The following ATXN1 variants were observed in gnomAD, a reference collection of about 807,000 sequenced individuals.
ATXN1 encodes ataxin 1.
ATXN1 carries 8 observed loss-of-function variants against 56.4 expected under a neutral mutation model. The observed-to-expected ratio is 0.14, with a 90% CI of 0.08 to 0.26. ATXN1 has a LOEUF of 0.26. ATXN1 is among the 10% of genes least tolerant of loss of function. The probability of loss-of-function intolerance (pLI) is 1.00; values close to 1 mark genes in which losing one functional copy is unlikely to be tolerated. For missense variants in ATXN1, 987 were observed against 1,106.5 expected, an observed-to-expected ratio of 0.89 and a Z score of 1.53; for synonymous variants, 514 against 494.6, an observed-to-expected ratio of 1.04 and a Z score of -0.52.
At chr6:16,473,703 G>A (rs977654762) in intron 6 of ATXN1, among the ~76,000 whole-genome samples, 2 of 152,160 alleles carry the variant, frequency 1.3e-5, no homozygotes, top group African/African-American at 4.8e-5. Flanking sequence ...AGGAACACTG[G>A]TGGAGTTCTC....
At chr6:16,494,981 G>A (rs996955811) in intron 5 of ATXN1, among the ~76,000 whole-genome samples, 1 of 152,136 alleles carries the variant, frequency 6.6e-6, no homozygotes, top group Non-Finnish European at 1.5e-5. Context: ...GAGTCATCAC[G>A]CACCTTCTGC....
chr6:16,455,464 G>A (rs750018186), intron 6 of ATXN1, among the ~76,000 whole-genome samples: 2 of 152,184 alleles, frequency 1.3e-5, no homozygotes, highest in East Asian at 1.9e-4. Context: ...AAGTCATTGC[G>A]GGTGGGAATG....
intron 6 of ATXN1, among the ~76,000 whole-genome samples, chr6:16,399,978 C>A (rs1016352577): frequency 6.6e-6 from 1 of 152,188 alleles, no homozygotes; most frequent in Non-Finnish European, 1.5e-5. Flanking sequence ...GCTAGCCTCA[C>A]CATGGCCCAC....
At chr6:16,322,058 C>CA (rs941238305) in intron 7 of ATXN1, among the ~76,000 whole-genome samples, 3 of 152,128 alleles carry the variant, frequency 2.0e-5, no homozygotes, top group South Asian at 2.1e-4. Flanking sequence ...CCTGTCTCTA[C>CA]AAAAAAACAC....
At chr6:16,435,733 C>T (rs759730595) in intron 6 of ATXN1, among the ~76,000 whole-genome samples, 30 of 151,994 alleles carry the variant, frequency 2.0e-4, no homozygotes, top group Non-Finnish European at 3.7e-4. Context: ...CTAGCGGAGG[C>T]GGTAGAGCCG....
intron 4 of ATXN1, among the ~76,000 whole-genome samples, chr6:16,524,701 T>A (rs1761357804): frequency 6.6e-6 from 1 of 152,208 alleles, no homozygotes; most frequent in African/African-American, 2.4e-5. Context: ...ACACAACATG[T>A]TCATATATCT....
At chr6:16,492,992 C>A (rs963950963) in intron 5 of ATXN1, among the ~76,000 whole-genome samples, 21 of 152,086 alleles carry the variant, frequency 1.4e-4, no homozygotes, top group African/African-American at 4.8e-4. Flanking sequence ...CAAGTCCTAC[C>A]AATTCTGCAC....
At chr6:16,461,559 C>T (rs571984084) in intron 6 of ATXN1, among the ~76,000 whole-genome samples, 34 of 152,300 alleles carry the variant, frequency 2.2e-4, no homozygotes, top group African/African-American at 7.7e-4. Context: ...ACCCATATGC[C>T]TAAGTCAAGG....
At chr6:16,482,655 C>T (rs1460092797) in intron 6 of ATXN1, among the ~76,000 whole-genome samples, 1 of 152,092 alleles carries the variant, frequency 6.6e-6, no homozygotes, top group Non-Finnish European at 1.5e-5. Flanking sequence ...TTCAAAAGGA[C>T]CAATGAGTGT....
intron 6 of ATXN1, chr6:16,432,529 T>A (rs1235885820): frequency 6.6e-6 from 1 of 152,146 alleles, no homozygotes; most frequent in Non-Finnish European, 1.5e-5. Context: ...TTTAAAAGCA[T>A]GCAAGGAAGA....
rs377095820 is a variant in ATXN1, at chr6:16,328,126, G to A, written c.185C>T (p.Pro62Leu). Residue 62 changes from proline to leucine, a missense_variant, in exon 7 of 8, where the codon CCG (proline) becomes CTG (leucine). This residue lies in a region of ATXN1 where 723 missense variants were observed against 791.7 expected (regional missense o/e 0.91). Transcript: ENST00000436367. This position sits in a 1 kb window ranked among gnomAD's most constrained non-coding sequence, Gnocchi z 6.2. ...GRGHGGGRHGPAGTSVELGLQ... is the reference protein window; with the variant it reads ...GRGHGGGRHGLAGTSVELGLQ... ...ACCAAGCTCCACCGAGGTCCCTGCC[G>A]GCCCATGCCTCCCGCCCCCGTGGCC... 4.8e-5 allele frequency: 76 copies of A among 1,588,412 alleles called. No individual in the cohort carries two copies. The highest frequency in any genetic ancestry group is 6.7e-5 in the East Asian group (3 of 44,494).
At position 16,384,562 on chromosome 6, in the gene ATXN1, C is replaced by T. The variant is rs548432394; in HGVS notation, c.-160-56092G>A. On this transcript the variant is annotated intron_variant, in intron 6 of 7. Coordinates refer to ENST00000436367, the MANE Select transcript of ATXN1 (RefSeq NM_001128164.2). ...GATATGGTTGGCATTTGTGTCCCCA[C>T]CCAAATCTCATGTCAAATTGTAATC... Among the ~76,000 whole-genome samples the T allele has an allele frequency of 2.6e-5, 4 of 152,354 alleles. No homozygotes were observed. In the East Asian group the frequency reaches 7.7e-4, roughly 29 times the overall value.
intron 3 of ATXN1, among the ~76,000 whole-genome samples, chr6:16,656,568 G>GT (rs1758206355): frequency 6.6e-6 from 1 of 152,128 alleles, no homozygotes; most frequent in Admixed American, 6.5e-5. Context: ...TTTATTTATA[G>GT]TTTAGAGTGT....
intron 6 of ATXN1, among the ~76,000 whole-genome samples, chr6:16,465,382 A>G (rs1013608312): frequency 6.6e-6 from 1 of 152,190 alleles, no homozygotes; most frequent in Admixed American, 6.5e-5. Flanking sequence ...GCTTGAACCC[A>G]GGAGACGGAG....
chr6:16,598,020 A>T (rs1290821592), intron 3 of ATXN1, among the ~76,000 whole-genome samples: 1 of 152,216 alleles, frequency 6.6e-6, no homozygotes, highest in African/African-American at 2.4e-5. Context: ...ACACAAAATG[A>T]TAAACTGGTG....
At chr6:16,579,673 T>C (rs914872120) in intron 4 of ATXN1, among the ~76,000 whole-genome samples, 1 of 152,070 alleles carries the variant, frequency 6.6e-6, no homozygotes, top group African/African-American at 2.4e-5. Flanking sequence ...TTTGTTTAGG[T>C]ACTCAGGAAA....
chr6:16,603,935 C>T (rs1762955907), intron 3 of ATXN1, among the ~76,000 whole-genome samples: 1 of 152,054 alleles, frequency 6.6e-6, no homozygotes, highest in South Asian at 2.1e-4. Context: ...GTGTGGGGAC[C>T]GAGTCCTATG....
intron 6 of ATXN1, among the ~76,000 whole-genome samples, chr6:16,461,479 C>G (rs1186084397): frequency 6.6e-6 from 1 of 152,154 alleles, no homozygotes; most frequent in Admixed American, 6.5e-5. Context: ...ATCTCTTGGT[C>G]CATCGTAAGG....
intron 6 of ATXN1, among the ~76,000 whole-genome samples, chr6:16,484,354 A>G (rs534568774): frequency 6.6e-6 from 1 of 152,266 alleles, no homozygotes; most frequent in South Asian, 2.1e-4. Context: ...GGGTCACTTG[A>G]GCTTGGGAGG....
Sources: gnomAD v4.1 joint callset for allele counts (sites outside exome capture counted in the v4.1 genomes callset) on GRCh38, gnomAD v4.1.1 for gene constraint, gnomAD v4.1.1 regional missense constraint, Gnocchi (gnomAD v3.1) non-coding constraint, MANE v1.5 for transcripts, NCBI Gene and HGNC (gene_info 2026-07-23, HGNC 2026-07-21) for gene names.